FYB1: variants seen among roughly 807,000 people sequenced by gnomAD.
The protein encoded by FYB1 is FYN-binding protein 1.
In FYB1, 41 loss-of-function variants were observed where a neutral mutation model predicts 94.1. That is an observed-to-expected ratio of 0.44 (90% CI 0.34 to 0.57). The LOEUF is 0.57. FYB1 is among the 20% of genes least tolerant of loss of function. The pLI is 0.02. For missense variants in FYB1, 1,050 were observed against 976.8 expected, an observed-to-expected ratio of 1.07 and a Z score of -1.00; for synonymous variants, 367 against 353.2, an observed-to-expected ratio of 1.04 and a Z score of -0.44.
At chr5:39,237,481 C>T (rs1362527010) in intron 1 of FYB1, among the ~76,000 whole-genome samples, 5 of 152,034 alleles carry the variant, frequency 3.3e-5, no homozygotes, top group Non-Finnish European at 1.5e-5. Flanking sequence ...CAAGCAACTA[C>T]TTCCCACCAA....
In FYB1 at chr5:39,122,318, T is replaced by C. The variant is rs1351416813; in HGVS notation, c.2138+18A>G. ...TCTCATTTTCATTACTTCATTGTAA[T>C]GAAAGCATTTTAATTACCTCATCTC... On this transcript the variant is annotated intron_variant, in intron 14 of 18. Coordinates refer to ENST00000512982, the MANE Select transcript of FYB1 (RefSeq NM_001465.6). The C allele has an allele frequency of 6.7e-7, 1 of 1,491,640 alleles. No individual in the cohort carries two copies. Among genetic ancestry groups the C allele is most frequent in the East Asian group, 2.4e-5 (1 of 42,364 alleles). The allele number at this position is 1,491,640 out of a possible 1,614,324, so 92.4% of individuals were successfully genotyped here.
In FYB1 at chr5:39,262,822, G is replaced by A. The variant is rs531740073; in HGVS notation, c.-28+11581C>T. Among the ~76,000 whole-genome samples the A allele has an allele frequency of 4.7e-4, 71 of 152,020 alleles. No homozygotes were observed. In the South Asian group the frequency reaches 7.1e-3, roughly 15 times the overall value. ...GCAGAAATCATGAAAAAAAATCTGG[G>A]CAAAACAATACTATATGTTTGGAGA... On this transcript the variant is annotated intron_variant, in intron 1 of 1. Coordinates refer to the FYB1 transcript ENST00000510188.
At chr5:39,211,816 C>T (rs1749420625) in intron 1 of FYB1, among the ~76,000 whole-genome samples, 1 of 152,184 alleles carries the variant, frequency 6.6e-6, no homozygotes, top group Non-Finnish European at 1.5e-5. Flanking sequence ...CAGACACACG[C>T]TCCTGGGTGG....
In FYB1 at chr5:39,201,753, CTT is replaced by C. The variant is rs1318604174; in HGVS notation, c.1135+71_1135+72del. ...TAGAGAATCATTCCTTGTTACAAAA[CTT>C]TCCCCAGAAGCTAAAACATTCTCTG... On this transcript the variant is annotated intron_variant, in intron 2 of 18. Coordinates refer to ENST00000512982, the MANE Select transcript of FYB1 (RefSeq NM_001465.6). 34 of 1,356,876 alleles carry C rather than the reference CTT, an allele frequency of 2.5e-5. No homozygotes were observed. The South Asian group carries it at 4.7e-4, about 19-fold the overall frequency. 84.1% of individuals were successfully genotyped at this position (1,356,876 alleles called of 1,614,324 possible).
At chr5:39,252,691 C>T (rs767125042) in intron 1 of FYB1, among the ~76,000 whole-genome samples, 5 of 144,238 alleles carry the variant, frequency 3.5e-5, no homozygotes, top group Non-Finnish European at 7.5e-5. Flanking sequence ...TGTATTCTAC[C>T]GCTAGACTGG....
chr5:39,231,753 C>CTTTTTTTTTTTTTTTTTTT (rs1561294595), intron 1 of FYB1, among the ~76,000 whole-genome samples: 1 of 151,992 alleles, frequency 6.6e-6, no homozygotes, highest in Admixed American at 6.6e-5. Flanking sequence ...AGAGCTATTT[C>CTTTTTTTTTTTTTTTTTTT]TCTTTCACAG....
chr5:39,200,062 T>A (rs1420367228), intron 2 of FYB1, among the ~76,000 whole-genome samples: 1 of 152,066 alleles, frequency 6.6e-6, no homozygotes, highest in African/African-American at 2.4e-5. Flanking sequence ...CATCAGATGT[T>A]GAGGGGGTTA....
intron 1 of FYB1, among the ~76,000 whole-genome samples, chr5:39,265,623 C>T (rs151247041): frequency 0.032 from 4,819 of 152,258 alleles, 118 homozygotes; most frequent in Middle Eastern, 0.078. Flanking sequence ...CGCCATTGCA[C>T]TCCAGCCTGG....
chr5:39,225,219 T>C (rs1387526905), intron 1 of FYB1, among the ~76,000 whole-genome samples: 1 of 152,200 alleles, frequency 6.6e-6, no homozygotes, highest in East Asian at 1.9e-4. Context: ...TGAACCCATA[T>C]ATATACATGT....
At chr5:39,133,507 G>C (rs921889607) in intron 9 of FYB1, among the ~76,000 whole-genome samples, 5 of 152,058 alleles carry the variant, frequency 3.3e-5, no homozygotes, top group African/African-American at 1.2e-4. Context: ...GAGAAGAAGA[G>C]GAGAGATGGA....
intron 2 of FYB1, among the ~76,000 whole-genome samples, chr5:39,156,438 A>C (rs924582768): frequency 6.6e-6 from 1 of 152,194 alleles, no homozygotes; most frequent in African/African-American, 2.4e-5. Flanking sequence ...GCAAAACCAG[A>C]GGGAAGCAGG....
intron 10 of FYB1, among the ~76,000 whole-genome samples, chr5:39,129,056 C>T (rs1740939886): frequency 1.3e-5 from 2 of 151,996 alleles, no homozygotes; most frequent in African/African-American, 2.4e-5. Flanking sequence ...GGAAGCATCA[C>T]ACTCCCTGAT....
At chr5:39,240,520 G>C (rs1277174162) in intron 1 of FYB1, among the ~76,000 whole-genome samples, 2 of 151,482 alleles carry the variant, frequency 1.3e-5, no homozygotes, top group African/African-American at 2.4e-5. Flanking sequence ...GACATGAACA[G>C]GCACTTCTAA....
chr5:39,196,761 G>A (rs191912649), intron 2 of FYB1, among the ~76,000 whole-genome samples: 24 of 152,324 alleles, frequency 1.6e-4, no homozygotes, highest in African/African-American at 4.8e-4. Flanking sequence ...AGCCCAGCAC[G>A]AGGAAGTGGA....
intron 2 of FYB1, chr5:39,170,148 T>C: frequency 1.3e-6 from 1 of 781,688 alleles, no homozygotes; most frequent in South Asian, 1.4e-5. Flanking sequence ...TATAAGTAGC[T>C]ACAGGTCAAG....
chr5:39,259,272 C>G (rs1424099198), intron 1 of FYB1, among the ~76,000 whole-genome samples: 1 of 152,192 alleles, frequency 6.6e-6, no homozygotes, highest in African/African-American at 2.4e-5. Flanking sequence ...CTCCAATGCA[C>G]AAAACTGCAG....
At chr5:39,231,665 G>T (rs1750750601) in intron 1 of FYB1, among the ~76,000 whole-genome samples, 1 of 152,110 alleles carries the variant, frequency 6.6e-6, no homozygotes, top group Non-Finnish European at 1.5e-5. Context: ...ATGGGAGAAA[G>T]AGTGCTAATA....
At chr5:39,207,899 A>G (rs1749005888) in intron 1 of FYB1, among the ~76,000 whole-genome samples, 1 of 152,214 alleles carries the variant, frequency 6.6e-6, no homozygotes, top group African/African-American at 2.4e-5. Flanking sequence ...TCTGTCCTAT[A>G]CGAGAGCCTC....
intron 16 of FYB1, among the ~76,000 whole-genome samples, chr5:39,117,611 T>C (rs1739693128): frequency 6.6e-6 from 1 of 152,174 alleles, no homozygotes; most frequent in Non-Finnish European, 1.5e-5. Context: ...TCCTCCGTGA[T>C]AAACTTTACA....
Sources: allele counts gnomAD v4.1 joint callset (sites outside exome capture counted in the v4.1 genomes callset), GRCh38; gene constraint gnomAD v4.1.1; transcripts MANE v1.5; gene names NCBI Gene and HGNC (gene_info 2026-07-23, HGNC 2026-07-21).